The following CDH13 variants were observed in gnomAD, a reference collection of about 807,000 sequenced individuals.
CDH13 encodes the protein cadherin 13.
CDH13 carries 24 observed loss-of-function variants against 63.8 expected under a neutral mutation model. That is an observed-to-expected ratio of 0.38 (90% CI 0.27 to 0.53). CDH13 has a LOEUF of 0.53. CDH13 is among the 20% of genes least tolerant of loss of function. The pLI, the probability that CDH13 is intolerant of heterozygous loss-of-function variation, is 0.85. For missense variants in CDH13, 1,049 were observed against 903.1 expected (o/e 1.16, Z -2.07); for synonymous variants, 503 against 355.3 (o/e 1.42, Z -4.67).
chr16:83,740,402 C>A (rs188667888), intron 10 of CDH13, among the ~76,000 whole-genome samples: 1 of 152,080 alleles, frequency 6.6e-6, no homozygotes, highest in East Asian at 1.9e-4. Context: ...AAAAGACGAT[C>A]CCTAGTCGTC....
At chr16:82,789,464 G>T (rs1001555731) in intron 1 of CDH13, among the ~76,000 whole-genome samples, 7 of 152,180 alleles carry the variant, frequency 4.6e-5, no homozygotes, top group African/African-American at 9.7e-5. Context: ...CAACTGTCTA[G>T]ACTTAGTGGT....
chr16:82,734,866 G>A (rs1394238748), intron 1 of CDH13, among the ~76,000 whole-genome samples: 1 of 152,208 alleles, frequency 6.6e-6, no homozygotes, highest in African/African-American at 2.4e-5. Context: ...AGAGCCGAGG[G>A]CTGCCTGCTG....
rs371207841 is a variant in CDH13 at position 83,565,790 on chromosome 16, C to A, written c.961-36664C>A. On this transcript the variant is annotated intron_variant, in intron 7 of 13. Transcript: ENST00000567109. Reference sequence around the variant, plus strand: ...ATTCTTTTGTGATAACTGATTTATTCTTTTCTGGCTTCTGACTTTTCTTTT... The same window carrying A: ...ATTCTTTTGTGATAACTGATTTATTATTTTCTGGCTTCTGACTTTTCTTTT... 2.3e-4 allele frequency among the ~76,000 whole-genome samples: 35 copies of A among 152,162 alleles called. No individual in the cohort carries two copies. In the South Asian group the frequency reaches 7.3e-3, roughly 32 times the overall value.
At chr16:82,891,876 T>C (rs777255103) in intron 2 of CDH13, among the ~76,000 whole-genome samples, 3 of 152,172 alleles carry the variant, frequency 2.0e-5, no homozygotes, top group Non-Finnish European at 2.9e-5. Context: ...AGCTTCCCTA[T>C]AACCTTGGAT....
chr16:82,755,415 G>A (rs1021640087), intron 1 of CDH13, among the ~76,000 whole-genome samples: 2 of 152,228 alleles, frequency 1.3e-5, no homozygotes, highest in Admixed American at 1.3e-4. Flanking sequence ...AGAAAAGGGA[G>A]TGCACAGGAG....
chr16:83,437,239 G>C (rs986453031), intron 6 of CDH13, among the ~76,000 whole-genome samples: 102 of 152,222 alleles, frequency 6.7e-4, no homozygotes, highest in African/African-American at 2.4e-3. Context: ...TGACCTCTCT[G>C]TGTCTCAGTT....
chr16:83,032,062 C>G lies in CDH13; in HGVS notation c.210C>G (p.Ser70Arg). Residue 70 changes from serine (S) to arginine (R), a missense_variant, in exon 3 of 14, where the codon AGC becomes AGG. By Grantham distance (110) the Ser-to-Arg change is moderately radical. Transcript: ENST00000567109. The stretch of plus-strand genomic sequence containing the variant: ...ACAAGCTACGCTATGAGGTCTCGAG[C>G]CCATACTTCAAGGTGAACAGCGATG... ...GNDKLRYEVS[S>R]PYFKVNSDGG... 2.5e-6 allele frequency: 4 copies of G among 1,610,442 alleles called. No individual in the cohort carries two copies. The highest frequency in any genetic ancestry group is 3.4e-6 in the Non-Finnish European group (4 of 1,178,512).
At chr16:83,232,960 G>T (rs1597566402) in intron 5 of CDH13, among the ~76,000 whole-genome samples, 1 of 152,172 alleles carries the variant, frequency 6.6e-6, no homozygotes, top group East Asian at 1.9e-4. Flanking sequence ...ACCCTGAAAT[G>T]ATGCTGATGT....
At chr16:83,290,114 G>C (rs921364364) in intron 5 of CDH13, among the ~76,000 whole-genome samples, 1 of 152,162 alleles carries the variant, frequency 6.6e-6, no homozygotes, top group Non-Finnish European at 1.5e-5. Flanking sequence ...AGTCATCATG[G>C]TTAGTCAGAT....
At chr16:83,182,009 C>G (rs2038363893) in intron 4 of CDH13, among the ~76,000 whole-genome samples, 1 of 152,130 alleles carries the variant, frequency 6.6e-6, no homozygotes, top group Non-Finnish European at 1.5e-5. Context: ...CGTGCTCTAC[C>G]TGTGGCAAAG....
chr16:83,240,028 C>T (rs1455360357), intron 5 of CDH13, among the ~76,000 whole-genome samples: 2 of 152,158 alleles, frequency 1.3e-5, no homozygotes, highest in Non-Finnish European at 2.9e-5. Context: ...GGTGTACAGC[C>T]AGCAAGATGG....
At chr16:82,763,859 G>C (rs1411941836) in intron 1 of CDH13, among the ~76,000 whole-genome samples, 2 of 152,120 alleles carry the variant, frequency 1.3e-5, no homozygotes, top group Admixed American at 1.3e-4. Flanking sequence ...ATTTTTTGTA[G>C]ATAGGGTTTT....
Position 83,245,808 on chromosome 16 carries a change from T to C in CDH13, c.636+28311T>C, listed in dbSNP as rs544013397. On this transcript the variant is annotated intron_variant, in intron 5 of 13. Transcript: ENST00000567109. ...CCCAGGCTGGAGTGCAATGGTGTGA[T>C]CATGGCTCACTGCAGCCAAGACCTC... Among the ~76,000 whole-genome samples, 7 of 152,286 alleles carry C rather than the reference T, an allele frequency of 4.6e-5. No individual in the cohort carries two copies. In the East Asian group the frequency reaches 1.2e-3, roughly 25 times the overall value.
At chr16:82,878,347 A>G (rs1327847571) in intron 2 of CDH13, among the ~76,000 whole-genome samples, 1 of 151,864 alleles carries the variant, frequency 6.6e-6, no homozygotes, top group Non-Finnish European at 1.5e-5. Flanking sequence ...TCTTTAGACT[A>G]AATGTTGAAT....
chr16:83,299,481 T>A (rs933649427), intron 5 of CDH13, among the ~76,000 whole-genome samples: 1 of 152,198 alleles, frequency 6.6e-6, no homozygotes, highest in Non-Finnish European at 1.5e-5. Context: ...CAAGTCTCCA[T>A]CACTCATCTG....
intron 6 of CDH13, among the ~76,000 whole-genome samples, chr16:83,450,297 G>T (rs558350642): frequency 1.3e-4 from 20 of 152,292 alleles, no homozygotes; most frequent in African/African-American, 4.6e-4. Flanking sequence ...GTTGAGTGTG[G>T]AGTGCAGCTT....
At chr16:83,483,405 AC>A (rs1283893316) in intron 6 of CDH13, among the ~76,000 whole-genome samples, 3 of 152,126 alleles carry the variant, frequency 2.0e-5, no homozygotes, top group African/African-American at 7.2e-5. Context: ...CAACCTGTAA[AC>A]AAAAAGATAT....
At chr16:83,031,735 T>C (rs1253315063) in intron 2 of CDH13, among the ~76,000 whole-genome samples, 1 of 152,152 alleles carries the variant, frequency 6.6e-6, no homozygotes, top group Admixed American at 6.5e-5. Flanking sequence ...CAGATCTGAC[T>C]CTTCACTCCA....
At chr16:83,495,635 A>T (rs559706449) in intron 7 of CDH13, among the ~76,000 whole-genome samples, 5 of 152,238 alleles carry the variant, frequency 3.3e-5, no homozygotes. Context: ...GCAAAGAAAC[A>T]TATTTGGGGT....
Sources: gnomAD v4.1 joint callset for allele counts (sites outside exome capture counted in the v4.1 genomes callset) on GRCh38, gnomAD v4.1.1 for gene constraint, MANE v1.5 for transcripts, NCBI Gene and HGNC (gene_info 2026-07-23, HGNC 2026-07-21) for gene names.